IGF2R: variants seen among roughly 807,000 people sequenced by gnomAD.
IGF2R encodes the protein cation-independent mannose-6-phosphate receptor.
In IGF2R, 91 loss-of-function variants were observed where a neutral mutation model predicts 270.6. The observed-to-expected ratio is 0.34, with a 90% confidence interval of 0.28 to 0.40. IGF2R has a LOEUF of 0.40. IGF2R is among the 10% of genes least tolerant of loss of function. IGF2R has a pLI of 1.00. For missense variants in IGF2R, 2,805 were observed against 3,188.3 expected (o/e 0.88, Z 2.90); for synonymous variants, 1,316 against 1,258.9 (o/e 1.05, Z -0.96).
intron 12 of IGF2R, 108 bp from the exon 13 acceptor site, chr6:160,044,406 A>ATTTC (rs1045907171): frequency 1.5e-5 from 16 of 1,060,414 alleles, no homozygotes; most frequent in East Asian, 7.7e-5. Flanking sequence ...GTTTGGGCTG[A>ATTTC]TTTCTTTCTT....
intron 1 of IGF2R, among the ~76,000 whole-genome samples, chr6:159,984,125 T>G (rs1783844760): frequency 6.6e-6 from 1 of 152,230 alleles, no homozygotes. Flanking sequence ...TCAGATGGGT[T>G]CAACCATTCT....
intron 41 of IGF2R, 71 bp from the exon 42 acceptor site, chr6:160,087,962 C>A: frequency 1.1e-6 from 1 of 928,278 alleles, no homozygotes; most frequent in Non-Finnish European, 1.8e-6. Context: ...CAGGTGTGAG[C>A]CACTGCGCCT....
chr6:159,994,115 T>C (rs1784018321), intron 2 of IGF2R, among the ~76,000 whole-genome samples: 1 of 151,358 alleles, frequency 6.6e-6, no homozygotes, highest in Non-Finnish European at 1.5e-5. Context: ...ATTTTTAAAG[T>C]ACTGATTCAA....
intron 19 of IGF2R, among the ~76,000 whole-genome samples, chr6:160,052,403 A>G (rs897874979): frequency 1.3e-5 from 2 of 152,220 alleles, no homozygotes; most frequent in African/African-American, 4.8e-5. Context: ...TTCAAGGAGA[A>G]CTACAAACCA....
At chr6:160,070,914 C>A (rs923792727) in intron 31 of IGF2R, among the ~76,000 whole-genome samples, 19 of 152,184 alleles carry the variant, frequency 1.2e-4, no homozygotes, top group Non-Finnish European at 7.3e-5. Context: ...AGTCCAGACT[C>A]ATGAGCTGCT....
rs375885261 is a variant in IGF2R, at chr6:160,060,647, C to T, written c.3192C>T (p.Ile1064=). Residue 1064 remains isoleucine, a synonymous_variant, in exon 23 of 48, where the codon ATC becomes ATT. Transcript: ENST00000356956. ...AAGATATCGACTCTGGGCAAGGGAT[C>T]CGAAACACTTACTTTGAGTTTGAAA... ...LHQDIDSGQG[I]RNTYFEFETA... 1.9e-5 allele frequency: 30 copies of T among 1,614,152 alleles called. No homozygotes were observed. The highest frequency in any genetic ancestry group is 2.4e-5 in the Non-Finnish European group (28 of 1,180,058).
At chr6:160,093,506 A>G (rs1485184506) in intron 44 of IGF2R, 1 of 568,150 alleles carries the variant, frequency 1.8e-6, no homozygotes, top group South Asian at 1.8e-5. Flanking sequence ...GTCAAATCAC[A>G]CGTCTGTACA....
intron 10 of IGF2R, among the ~76,000 whole-genome samples, chr6:160,039,065 G>A (rs868750350): frequency 1.3e-5 from 2 of 152,316 alleles, no homozygotes; most frequent in African/African-American, 2.4e-5. Context: ...ATATAGTCAT[G>A]TGTTGCTTAA....
rs369514327 is a variant in IGF2R at position 160,064,384 on chromosome 6, G to A, written c.3887-17G>A. The A allele has an allele frequency of 2.5e-6, 4 of 1,613,992 alleles. No individual in the cohort carries two copies. The highest frequency in any genetic ancestry group is 1.3e-5 in the African/African-American group (1 of 74,902). On this transcript the variant is annotated splice_polypyrimidine_tract_variant and intron_variant, in intron 27 of 47. Transcript: ENST00000356956. ...GGACCCGAACCAAACCTTGTTTAAT[G>A]TTCTCCTTCTTTACAGGTCTCCTGA... is the stretch of plus-strand genomic sequence containing the variant.
rs767501582 is a variant in IGF2R, at chr6:160,058,952, A to G, written c.2945A>G (p.Lys982Arg). Residue 982 changes from lysine to arginine, a missense_variant, in exon 22 of 48, where the codon AAA becomes AGA. Physicochemically the swap from Lys to Arg is conservative, Grantham distance 26 (BLOSUM62 2). Around this residue, in one of 2 missense-constraint regions of IGF2R, gnomAD observed 1,851 missense variants for 2,207.2 expected, o/e 0.84. Transcript: ENST00000356956. ...CCTGTCTGTGGGACCATCCTGGGAA[A>G]ACCTGCTTCTGGCTGTGAGGCAGAA... The part of the protein sequence containing the change: ...TMPVCGTILG[K>R]PASGCEAETQ... 6.2e-7 allele frequency: 1 copy of G among 1,614,204 alleles called. No homozygotes were observed. Among genetic ancestry groups the G allele is most frequent in the Admixed American group, 1.7e-5 (1 of 60,028 alleles).
In IGF2R at chr6:160,058,166, G is replaced by C. The variant is rs772367416; in HGVS notation, c.2898+42G>C. Reference sequence around the variant, plus strand: ...GCATTTCCAGTTTGCTTTGAAACAGGGGGAGAGTGCATTATTGAAGTCACC... The same window carrying C: ...GCATTTCCAGTTTGCTTTGAAACAGCGGGAGAGTGCATTATTGAAGTCACC... On this transcript the variant is annotated intron_variant, in intron 21 of 47. Transcript: ENST00000356956. 5 of 1,326,114 alleles carry C rather than the reference G, an allele frequency of 3.8e-6. No homozygotes were observed. The African/African-American group carries it at 7.2e-5, about 19-fold the overall frequency. The allele number at this position is 1,326,114 out of a possible 1,614,324, so 82.1% of individuals were successfully genotyped here.
rs759821807 is a variant in IGF2R at position 160,104,908 on chromosome 6, C to A, written c.7300C>A (p.Pro2434Thr). Residue 2434 changes from proline (P) to threonine (T), a missense_variant, in exon 48 of 48, where the codon CCA becomes ACA. Physicochemically the swap from Pro to Thr is conservative, Grantham distance 38. Around this residue, in one of 2 missense-constraint regions of IGF2R, gnomAD observed 1,851 missense variants for 2,207.2 expected, o/e 0.84. Coordinates refer to ENST00000356956, the MANE Select transcript of IGF2R (RefSeq NM_000876.4). ...GRGAGAESSHPVRNAQSNALQ... is the reference protein window; with the variant it reads ...GRGAGAESSHTVRNAQSNALQ... ...GGGAGCTGGGGCAGAGAGCTCCCAC[C>A]CAGTGAGAAACGCACAGAGCAATGC... is the stretch of plus-strand genomic sequence containing the variant. 6.2e-7 allele frequency: 1 copy of A among 1,614,110 alleles called. No individual in the cohort carries two copies. The highest frequency in any genetic ancestry group is 1.1e-5 in the South Asian group (1 of 91,064).
chr6:160,072,478 A>G (rs1778763235), intron 32 of IGF2R, among the ~76,000 whole-genome samples: 1 of 152,218 alleles, frequency 6.6e-6, no homozygotes, highest in Non-Finnish European at 1.5e-5. Flanking sequence ...TGTGCTGGGC[A>G]GGCTCTCCCC....
intron 44 of IGF2R, among the ~76,000 whole-genome samples, chr6:160,092,427 C>T (rs999569078): frequency 6.6e-6 from 1 of 152,262 alleles, no homozygotes; most frequent in African/African-American, 2.4e-5. Flanking sequence ...TCTAGCAGAC[C>T]TTTGAGGATC....
At chr6:160,037,517 T>G (rs1277695225) in intron 10 of IGF2R, among the ~76,000 whole-genome samples, 1 of 152,256 alleles carries the variant, frequency 6.6e-6, no homozygotes, top group East Asian at 1.9e-4. Context: ...GTGGTTTAAG[T>G]TGGATCTCTA....
chr6:160,043,378 A>G, intron 12 of IGF2R, 90 bp downstream of exon 12: 1 of 1,376,350 alleles, frequency 7.3e-7, no homozygotes, highest in Non-Finnish European at 9.9e-7. Context: ...TGGTTCATCT[A>G]AGCCTCCTCT....
At chr6:160,098,083 C>T (rs1779405478) in intron 45 of IGF2R, among the ~76,000 whole-genome samples, 1 of 152,180 alleles carries the variant, frequency 6.6e-6, no homozygotes, top group African/African-American at 2.4e-5. Flanking sequence ...AGTGAACTTT[C>T]CCTGCATTCT....
At position 160,084,683 on chromosome 6, in the gene IGF2R, C is replaced by T. The variant is rs116444248; in HGVS notation, c.6069-312C>T. ...GTTCTAAGTGAGGTGGGAAACTTGC[C>T]GAGATTCTAGCCACTGCCTCTCCCA... On this transcript the variant is annotated intron_variant, in intron 40 of 47. Coordinates refer to ENST00000356956, the MANE Select transcript of IGF2R (RefSeq NM_000876.4). The surrounding 1 kb of genome is among the most constrained non-coding windows in gnomAD (Gnocchi z 4.6). Among the ~76,000 whole-genome samples, 7 of 152,256 alleles carry T rather than the reference C, an allele frequency of 4.6e-5. No individual in the cohort carries two copies. Among genetic ancestry groups the T allele is most frequent in the Admixed American group, 1.3e-4 (2 of 15,296 alleles).
chr6:160,078,868 C>T (rs914809115), intron 37 of IGF2R, among the ~76,000 whole-genome samples: 1 of 152,164 alleles, frequency 6.6e-6, no homozygotes, highest in Non-Finnish European at 1.5e-5. Flanking sequence ...CCATGCCATG[C>T]CAGAGCCCTG....
Sources: gnomAD v4.1 joint callset for allele counts (sites outside exome capture counted in the v4.1 genomes callset) on GRCh38, gnomAD v4.1.1 for gene constraint, gnomAD v4.1.1 regional missense constraint, Gnocchi (gnomAD v3.1) non-coding constraint, MANE v1.5 for transcripts, NCBI Gene and HGNC (gene_info 2026-07-23, HGNC 2026-07-21) for gene names.